Variants in CACNG5 observed in about 807,000 individuals in gnomAD.
CACNG5 encodes voltage-dependent calcium channel gamma-5 subunit.
A neutral mutation model predicts 24.8 loss-of-function variants in CACNG5; 18 were observed. The ratio of observed to expected loss-of-function variants is 0.73; its 90% CI spans 0.50 to 1.08. The LOEUF is 1.08. Among genes scored for constraint, CACNG5 ranks in the 50% least tolerant of loss-of-function variants. The pLI, the probability that CACNG5 is intolerant of heterozygous loss-of-function variation, is 0.00. For missense variants in CACNG5, 349 were observed against 367.9 expected (o/e 0.95, Z 0.42); for synonymous variants, 157 against 149.1 (o/e 1.05, Z -0.39).
intron 1 of CACNG5, among the ~76,000 whole-genome samples, chr17:66,870,124 A>C (rs896490768): frequency 3.3e-5 from 5 of 152,294 alleles, no homozygotes; most frequent in African/African-American, 1.2e-4. Context: ...ATAATGGTAT[A>C]AAACAACAAC....
At chr17:66,861,052 G>T (rs549141442) in intron 1 of CACNG5, among the ~76,000 whole-genome samples, 2 of 150,454 alleles carry the variant, frequency 1.3e-5, no homozygotes, top group Non-Finnish European at 3.0e-5. Flanking sequence ...CACACCAGAA[G>T]TATAATTGCA....
chr17:66,857,065 GTTTTT>G (rs56153121), intron 1 of CACNG5, among the ~76,000 whole-genome samples: 3 of 94,002 alleles, frequency 3.2e-5, no homozygotes, highest in Admixed American at 1.3e-4. Flanking sequence ...CAATTTTTAA[GTTTTT>G]TTTTTTTTTT....
intron 1 of CACNG5, among the ~76,000 whole-genome samples, chr17:66,861,241 C>T (rs1976853371): frequency 6.6e-6 from 1 of 152,160 alleles, no homozygotes; most frequent in Non-Finnish European, 1.5e-5. Flanking sequence ...AACTCACATA[C>T]ACAGGAAGAA....
intron 1 of CACNG5, among the ~76,000 whole-genome samples, chr17:66,864,833 A>G (rs865929542): frequency 1.1e-4 from 17 of 152,370 alleles, no homozygotes; most frequent in African/African-American, 3.8e-4. Context: ...CATTGCATTT[A>G]ATTCACACAT....
chr17:66,880,841 A>G (rs1468071343), intron 4 of CACNG5, 144 bp downstream of exon 4: 29 of 825,190 alleles, frequency 3.5e-5, no homozygotes, highest in Non-Finnish European at 1.9e-6. Context: ...TCCCGGATTC[A>G]AGCAATTCTG....
At position 66,893,725 on chromosome 17, in the gene CACNG5, G is replaced by A. The variant is rs188372354; in HGVS notation, c.*8485G>A. 9.3e-5 allele frequency among the ~76,000 whole-genome samples: 12 copies of A among 128,638 alleles called. No individual in the cohort carries two copies. The highest frequency in any genetic ancestry group is 4.5e-4 in the East Asian group (2 of 4,412). 84.4% of individuals were successfully genotyped at this position (128,638 alleles called of 152,430 possible). A position where few individuals can be genotyped will look rare whatever the true frequency, so the allele number is the denominator to read the frequency against. ...GGGTGTGCCATGGCAGGTGAGACCC[G>A]CCCCCCCAACCCGGCATTCTGAAGC... On this transcript the variant is annotated 3_prime_UTR_variant, in exon 6 of 6. Transcript: ENST00000533854.
intron 1 of CACNG5, among the ~76,000 whole-genome samples, chr17:66,876,212 A>T (rs149908905): frequency 6.6e-6 from 1 of 152,268 alleles, no homozygotes; most frequent in East Asian, 1.9e-4. Context: ...CATTAGAATC[A>T]CCTGGCAGAA....
At chr17:66,848,700 C>CT (rs1054925648) in intron 1 of CACNG5, among the ~76,000 whole-genome samples, 1 of 152,166 alleles carries the variant, frequency 6.6e-6, no homozygotes, top group African/African-American at 2.4e-5. Context: ...TGCTCCCCTC[C>CT]TTGGACCTTC....
At position 66,888,659 on chromosome 17, in the gene CACNG5, G is replaced by A. The variant is rs142536444; in HGVS notation, c.*3419G>A. ...ATAAACCTGAGAGGGGCTTCTGGACGATTTCAGTCAGGAGCACTCTCTCTT... is the reference window on the plus strand; with the variant it reads ...ATAAACCTGAGAGGGGCTTCTGGACAATTTCAGTCAGGAGCACTCTCTCTT... On this transcript the variant is annotated 3_prime_UTR_variant, in exon 6 of 6. Transcript: ENST00000533854. Among the ~76,000 whole-genome samples, 8 of 151,946 alleles carry A rather than the reference G, an allele frequency of 5.3e-5. No individual in the cohort carries two copies. Among genetic ancestry groups the A allele is most frequent in the East Asian group, 3.9e-4 (2 of 5,176 alleles).
chr17:66,847,965 T>C (rs1201440109), intron 1 of CACNG5, among the ~76,000 whole-genome samples: 1 of 152,196 alleles, frequency 6.6e-6, no homozygotes, highest in East Asian at 1.9e-4. Flanking sequence ...CGGGGTAGGC[T>C]GTGAGTGATG....
At chr17:66,854,761 G>A (rs1976749812) in intron 1 of CACNG5, among the ~76,000 whole-genome samples, 1 of 151,882 alleles carries the variant, frequency 6.6e-6, no homozygotes, top group African/African-American at 2.4e-5. Flanking sequence ...ACATACATAT[G>A]GCAAAATATT....
At chr17:66,855,155 GC>G (rs1486437606) in intron 1 of CACNG5, among the ~76,000 whole-genome samples, 4 of 152,190 alleles carry the variant, frequency 2.6e-5, no homozygotes, top group Non-Finnish European at 5.9e-5. Flanking sequence ...TCATGTTATT[GC>G]CACCGTTTAA....
chr17:66,858,015 G>A (rs1321575108), intron 1 of CACNG5, among the ~76,000 whole-genome samples: 1 of 152,176 alleles, frequency 6.6e-6, no homozygotes, highest in Non-Finnish European at 1.5e-5. Flanking sequence ...CTGGGCATGG[G>A]CTCCTGGGAG....
At position 66,845,440 on chromosome 17, in the gene CACNG5, C is replaced by T. The variant is rs182312674; in HGVS notation, c.-104+10190C>T. ...AAACCTGCACATTCTGCACATGTGTCCCAGAACTTAAAGTAAAATTTAAAA... is the reference window on the plus strand; with the variant it reads ...AAACCTGCACATTCTGCACATGTGTTCCAGAACTTAAAGTAAAATTTAAAA... On this transcript the variant is annotated intron_variant, in intron 1 of 5. Transcript: ENST00000533854. Among the ~76,000 whole-genome samples, 260 of 146,822 alleles carry T rather than the reference C, an allele frequency of 1.8e-3. 1 individual carries two copies. Among genetic ancestry groups the T allele is most frequent in the African/African-American group, 6.4e-3 (254 of 39,442 alleles).
Position 66,878,995 on chromosome 17 carries a change from A to G in CACNG5, c.220A>G (p.Thr74Ala), listed in dbSNP as rs766489114. The change falls in exon 3 of 6, where the codon ACC (threonine) becomes GCC (alanine). Residue 74 changes from threonine (T) to alanine (A), a missense_variant. Transcript: ENST00000533854. ...LAGEERGRCF[T>A]IEYVMPMNTQ... ...AGGTGAGGAGCGGGGGCGTTGCTTC[A>G]CCATAGAATATGTGATGCCCATGAA... 1 of 1,613,742 alleles carries G rather than the reference A, an allele frequency of 6.2e-7. No homozygotes were observed. The highest frequency in any genetic ancestry group is 1.1e-5 in the South Asian group (1 of 91,012).
At chr17:66,838,168 T>C (rs1230082027) in intron 1 of CACNG5, among the ~76,000 whole-genome samples, 2 of 151,528 alleles carry the variant, frequency 1.3e-5, no homozygotes, top group Admixed American at 1.3e-4. Flanking sequence ...ATTTGTTAGG[T>C]CAGCAAAATG....
In CACNG5 at chr17:66,888,920, G is replaced by A. The variant is rs1171895802; in HGVS notation, c.*3680G>A. Among the ~76,000 whole-genome samples the A allele has an allele frequency of 6.6e-6, 1 of 152,190 alleles. No individual in the cohort carries two copies. Among genetic ancestry groups the A allele is most frequent in the African/African-American group, 2.4e-5 (1 of 41,446 alleles). Reference sequence around the variant, plus strand: ...ATGGTCATGTTGACCTTAGCCATTAGGCTGATGCCCTTTGAATTTAGGTGG... The same window carrying A: ...ATGGTCATGTTGACCTTAGCCATTAAGCTGATGCCCTTTGAATTTAGGTGG... On this transcript the variant is annotated 3_prime_UTR_variant, in exon 6 of 6. Transcript: ENST00000533854.
At position 66,892,388 on chromosome 17, in the gene CACNG5, T is replaced by A. The variant is rs890405149; in HGVS notation, c.*7148T>A. Among the ~76,000 whole-genome samples the A allele has an allele frequency of 1.3e-5, 2 of 152,216 alleles. No homozygotes were observed. Among genetic ancestry groups the A allele is most frequent in the Non-Finnish European group, 2.9e-5 (2 of 68,042 alleles). ...AGAACATTCTGGAGCCAACGTGTTCTCCAGCCCACTGTCAGGGCCAAGCAA... is the reference window on the plus strand; with the variant it reads ...AGAACATTCTGGAGCCAACGTGTTCACCAGCCCACTGTCAGGGCCAAGCAA... On this transcript the variant is annotated 3_prime_UTR_variant, in exon 6 of 6. Coordinates refer to ENST00000533854, the MANE Select transcript of CACNG5 (RefSeq NM_145811.3).
chr17:66,837,296 G>C (rs938154646), intron 1 of CACNG5, among the ~76,000 whole-genome samples: 1 of 152,184 alleles, frequency 6.6e-6, no homozygotes, highest in African/African-American at 2.4e-5. Context: ...TTAGTAGCAG[G>C]GTAGCTCACA....
Sources: allele counts gnomAD v4.1 joint callset (sites outside exome capture counted in the v4.1 genomes callset), GRCh38; gene constraint gnomAD v4.1.1; transcripts MANE v1.5; gene names NCBI Gene and HGNC (gene_info 2026-07-23, HGNC 2026-07-21).